The following DIAPH2 variants were observed in gnomAD, a reference collection of about 807,000 sequenced individuals.
DIAPH2 encodes protein diaphanous homolog 2.
In DIAPH2, 35 loss-of-function variants were observed where a neutral mutation model predicts 92.7. That is an observed-to-expected ratio of 0.38 (90% CI 0.29 to 0.50). The LOEUF (loss-of-function observed/expected upper bound fraction) is 0.50, where lower values mean the gene tolerates loss of function less well. Ranked by LOEUF, DIAPH2 falls within the 20% of genes least tolerant of loss-of-function variation. The pLI is 0.94. For synonymous variants in DIAPH2, 301 were observed against 280.4 expected (o/e 1.07, Z -0.73); for missense variants, 701 against 819.5 (o/e 0.86, Z 1.77).
intron 17 of DIAPH2, among the ~76,000 whole-genome samples, chrX:97,021,541 G>T (rs905241502): frequency 8.9e-6 from 1 of 111,893 alleles, no homozygotes; most frequent in Non-Finnish European, 1.9e-5. Flanking sequence ...AGAGCTTCGA[G>T]TAATGTGTTT....
intron 25 of DIAPH2, among the ~76,000 whole-genome samples, chrX:97,404,179 T>A (rs1602565682): frequency 8.9e-6 from 1 of 111,919 alleles, no homozygotes; most frequent in Non-Finnish European, 1.9e-5. Context: ...TAGTGAGGGA[T>A]GTTCAGGGAA....
intron 26 of DIAPH2, among the ~76,000 whole-genome samples, chrX:97,451,767 T>G: frequency 9.0e-6 from 1 of 111,331 alleles, no homozygotes; most frequent in East Asian, 2.8e-4. Flanking sequence ...AGAACAAACC[T>G]TATTTTAAAG....
intron 14 of DIAPH2, among the ~76,000 whole-genome samples, chrX:96,947,899 T>TTTG (rs1028272952): frequency 2.2e-4 from 25 of 112,280 alleles, no homozygotes; most frequent in Admixed American, 5.6e-4. Flanking sequence ...TGCAGGCAGG[T>TTTG]TTGTGCCTGC....
At chrX:97,451,864 A>G (rs1008512287) in intron 26 of DIAPH2, among the ~76,000 whole-genome samples, 1 of 111,728 alleles carries the variant, frequency 9.0e-6, no homozygotes, top group Non-Finnish European at 1.9e-5. Flanking sequence ...CAATAGAAAT[A>G]TTGCCTGTAA....
At chrX:97,222,393 G>A (rs768009882) in intron 22 of DIAPH2, among the ~76,000 whole-genome samples, 27 of 111,674 alleles carry the variant, frequency 2.4e-4, no homozygotes, top group African/African-American at 6.5e-4. Flanking sequence ...TAGTAGAGAC[G>A]GGGTTTCACC....
chrX:97,455,851 A>C (rs2070399214), intron 26 of DIAPH2, among the ~76,000 whole-genome samples: 1 of 111,892 alleles, frequency 8.9e-6, no homozygotes, highest in East Asian at 2.8e-4. Flanking sequence ...TGCCTCTGCT[A>C]TTCTTCCAGA....
chrX:97,195,545 C>G (rs1378929589), intron 22 of DIAPH2, among the ~76,000 whole-genome samples: 2 of 109,031 alleles, frequency 1.8e-5, no homozygotes, highest in Non-Finnish European at 3.8e-5. Context: ...CCTGTAATCT[C>G]AGCTACTCAG....
intron 4 of DIAPH2, among the ~76,000 whole-genome samples, chrX:96,855,658 G>T (rs2065035112): frequency 9.1e-6 from 1 of 109,930 alleles, no homozygotes. Context: ...ACATCCAGGA[G>T]ATTAGAGGGA....
rs1438914846 is a variant in DIAPH2, at chrX:97,269,145, G to A, written c.2844+21306G>A. On this transcript the variant is annotated intron_variant, in intron 23 of 26. Transcript: ENST00000324765. ...GCTGGGATTACAGGCGTGAGCCACC[G>A]TGCCCGGCCTCAGGCACTGTTCAGA... is the stretch of plus-strand genomic sequence containing the variant. 2.7e-5 allele frequency among the ~76,000 whole-genome samples: 3 copies of A among 111,920 alleles called. No homozygotes were observed. In the South Asian group the frequency reaches 1.1e-3, roughly 41 times the overall value.
At position 97,570,100 on chromosome X, in the gene DIAPH2, AT is replaced by A. The variant is rs2071356111; in HGVS notation, c.3242-29152del. Among the ~76,000 whole-genome samples the A allele has an allele frequency of 2.3e-4, 7 of 31,108 alleles. 1 individual carries two copies. Among genetic ancestry groups the A allele is most frequent in the Admixed American group, 1.6e-3 (3 of 1,902 alleles). 27.0% of individuals were successfully genotyped at this position (31,108 alleles called of 115,157 possible). A position where few individuals can be genotyped will look rare whatever the true frequency, so the allele number is the denominator to read the frequency against. On this transcript the variant is annotated intron_variant, in intron 26 of 26. Transcript: ENST00000324765. ...AATATATATATATATATATATATAT[AT>A]ATATATATATATATATATATATTAG...
chrX:97,112,236 A>G (rs1181981236), intron 20 of DIAPH2, among the ~76,000 whole-genome samples: 1 of 111,711 alleles, frequency 9.0e-6, no homozygotes, highest in African/African-American at 3.3e-5. Context: ...TCTGGGACCA[A>G]GGGCACCCTG....
rs1261944764 is a variant in DIAPH2, at chrX:97,601,248, A to T, written c.*1931A>T. The stretch of plus-strand genomic sequence containing the variant: ...GTAGGAGAATGATCTTGAAATGTTA[A>T]CCCTGACTAAAATTTGGGAGCATAT... On this transcript the variant is annotated 3_prime_UTR_variant, in exon 27 of 27. Coordinates refer to ENST00000324765, the MANE Select transcript of DIAPH2 (RefSeq NM_006729.5). The T allele has an allele frequency of 8.9e-6, 1 of 111,802 alleles. No homozygotes were observed. Among genetic ancestry groups the T allele is most frequent in the Non-Finnish European group, 1.9e-5 (1 of 53,080 alleles). 9.2% of individuals were successfully genotyped at this position (111,802 alleles called of 1,213,427 possible).
chrX:96,989,490 A>G (rs1488849527), intron 17 of DIAPH2, among the ~76,000 whole-genome samples: 1 of 112,067 alleles, frequency 8.9e-6, no homozygotes, highest in Non-Finnish European at 1.9e-5. Flanking sequence ...ATCCAGGACC[A>G]TGGAAGAATA....
At chrX:97,242,846 G>T (rs2068108026) in intron 22 of DIAPH2, among the ~76,000 whole-genome samples, 1 of 109,793 alleles carries the variant, frequency 9.1e-6, no homozygotes, top group Non-Finnish European at 1.9e-5. Flanking sequence ...GAGTGCAGTG[G>T]TGGGATCTCA....
intron 23 of DIAPH2, among the ~76,000 whole-genome samples, chrX:97,290,307 A>C (rs1295033817): frequency 9.0e-6 from 1 of 111,368 alleles, no homozygotes; most frequent in African/African-American, 3.3e-5. Context: ...TTGAAAGAGC[A>C]TAAGACATTT....
intron 17 of DIAPH2, among the ~76,000 whole-genome samples, chrX:96,970,470 G>T (rs2065921545): frequency 9.0e-6 from 1 of 110,831 alleles, no homozygotes; most frequent in Non-Finnish European, 1.9e-5. Flanking sequence ...TCAATCTTGG[G>T]AGGTTGTGTG....
At chrX:97,208,360 T>C (rs1434877813) in intron 22 of DIAPH2, among the ~76,000 whole-genome samples, 2 of 112,210 alleles carry the variant, frequency 1.8e-5, no homozygotes, top group Non-Finnish European at 3.8e-5. Context: ...GTTGATTATA[T>C]ATTCACCTAC....
intron 26 of DIAPH2, among the ~76,000 whole-genome samples, chrX:97,556,392 C>G (rs1328511761): frequency 7.2e-5 from 8 of 111,792 alleles, no homozygotes; most frequent in African/African-American, 2.6e-4. Flanking sequence ...AATATATTAC[C>G]ACGAACTGTG....
At chrX:97,318,826 A>T (rs905563207) in intron 23 of DIAPH2, among the ~76,000 whole-genome samples, 1 of 111,178 alleles carries the variant, frequency 9.0e-6, no homozygotes, top group Non-Finnish European at 1.9e-5. Flanking sequence ...TGCTGTTCTA[A>T]ACATCACCCA....
Sources: gnomAD v4.1 joint callset for allele counts (sites outside exome capture counted in the v4.1 genomes callset) on GRCh38, gnomAD v4.1.1 for gene constraint, MANE v1.5 for transcripts, NCBI Gene and HGNC (gene_info 2026-07-23, HGNC 2026-07-21) for gene names.